CTNNA3: variants seen among roughly 807,000 people sequenced by gnomAD.
CTNNA3 encodes the protein catenin alpha-3.
A neutral mutation model predicts 95.7 loss-of-function variants in CTNNA3; 76 were observed. The observed-to-expected ratio is 0.79, with a 90% CI of 0.66 to 0.96. CTNNA3 has a LOEUF of 0.96. Ranked by LOEUF, CTNNA3 falls within the 40% of genes least tolerant of loss-of-function variation. The pLI is 0.00. For missense variants in CTNNA3, 1,191 were observed against 1,089.8 expected (o/e 1.09, Z -1.31); for synonymous variants, 431 against 374.4 (o/e 1.15, Z -1.74).
rs1475997671 is a variant in CTNNA3, at chr10:66,280,525, G to A, written c.1829C>T (p.Ser610Leu). Residue 610 changes from serine (S) to leucine (L), a missense_variant, in exon 13 of 18, where the codon TCA (serine) becomes TTA (leucine). Transcript: ENST00000433211. ...VLDDNQFVDISKKIYDTIHDI... is the reference protein window; with the variant it reads ...VLDDNQFVDILKKIYDTIHDI... ...ATGAATTGTATCATAGATCTTCTTTGAGATGTCCACAAATTGATTATCATC... is the reference window on the plus strand; with the variant it reads ...ATGAATTGTATCATAGATCTTCTTTAAGATGTCCACAAATTGATTATCATC... 2 of 1,609,574 alleles carry A rather than the reference G, an allele frequency of 1.2e-6. No homozygotes were observed. Among genetic ancestry groups the A allele is most frequent in the South Asian group, 1.1e-5 (1 of 90,716 alleles).
intron 11 of CTNNA3, among the ~76,000 whole-genome samples, chr10:66,397,302 T>C (rs2092986157): frequency 6.6e-6 from 1 of 151,784 alleles, no homozygotes; most frequent in Admixed American, 6.6e-5. Flanking sequence ...AGAACTCTTA[T>C]AGCTAAGGCT....
At chr10:67,038,229 G>T (rs942130362) in intron 7 of CTNNA3, among the ~76,000 whole-genome samples, 47 of 151,972 alleles carry the variant, frequency 3.1e-4, no homozygotes, top group African/African-American at 1.1e-3. Flanking sequence ...TATTGTTGTT[G>T]TTGATTAGCC....
chr10:67,327,451 T>C (rs1321193395), intron 5 of CTNNA3, among the ~76,000 whole-genome samples: 4 of 152,228 alleles, frequency 2.6e-5, no homozygotes, highest in African/African-American at 9.6e-5. Flanking sequence ...TGGTATAAAG[T>C]GAATTCAGCT....
At chr10:67,049,586 T>C (rs1276681397) in intron 7 of CTNNA3, among the ~76,000 whole-genome samples, 3 of 152,100 alleles carry the variant, frequency 2.0e-5, no homozygotes, top group Non-Finnish European at 4.4e-5. Context: ...TGCTTTGTGT[T>C]TAACTTGAAC....
chr10:66,784,386 T>A (rs1447767610), intron 7 of CTNNA3, among the ~76,000 whole-genome samples: 1 of 152,188 alleles, frequency 6.6e-6, no homozygotes, highest in Non-Finnish European at 1.5e-5. Flanking sequence ...ATTGAAAATA[T>A]TATTTGTTAT....
chr10:67,444,502 C>G (rs1846661930), intron 5 of CTNNA3, among the ~76,000 whole-genome samples: 1 of 151,762 alleles, frequency 6.6e-6, no homozygotes, highest in Non-Finnish European at 1.5e-5. Context: ...AAAGCCAGAG[C>G]AAACCAAACC....
intron 15 of CTNNA3, among the ~76,000 whole-genome samples, chr10:66,017,055 A>G (rs746389077): frequency 9.2e-5 from 14 of 152,276 alleles, no homozygotes; most frequent in Middle Eastern, 6.8e-3. Flanking sequence ...AAAGTTCACC[A>G]TATAATCTGA....
intron 10 of CTNNA3, among the ~76,000 whole-genome samples, chr10:66,591,864 G>T (rs1843563318): frequency 6.6e-6 from 1 of 151,938 alleles, no homozygotes; most frequent in South Asian, 2.1e-4. Flanking sequence ...TTCTTGATCT[G>T]AACACTATAT....
At chr10:66,106,337 T>TG (rs2081908204) in intron 13 of CTNNA3, among the ~76,000 whole-genome samples, 2 of 145,442 alleles carry the variant, frequency 1.4e-5, no homozygotes, top group Non-Finnish European at 3.0e-5. Flanking sequence ...GTGTGTGTGT[T>TG]TGTGTGTGTG....
At chr10:66,051,564 C>T (rs1267913960) in intron 15 of CTNNA3, among the ~76,000 whole-genome samples, 2 of 152,144 alleles carry the variant, frequency 1.3e-5, no homozygotes, top group Non-Finnish European at 2.9e-5. Context: ...ACTTCAAAAA[C>T]ATTTAGTGAT....
chr10:66,025,910 C>T (rs750490616), intron 15 of CTNNA3, among the ~76,000 whole-genome samples: 8 of 152,102 alleles, frequency 5.3e-5, no homozygotes, highest in Non-Finnish European at 1.2e-4. Flanking sequence ...TTAGAAGCAG[C>T]ACATATGCTG....
chr10:66,807,844 T>A (rs1472177692), intron 7 of CTNNA3, among the ~76,000 whole-genome samples: 3 of 152,144 alleles, frequency 2.0e-5, no homozygotes, highest in Non-Finnish European at 2.9e-5. Context: ...TCGCATTTTT[T>A]AATAAGAGCT....
intron 5 of CTNNA3, among the ~76,000 whole-genome samples, chr10:67,419,859 G>T (rs1845685394): frequency 7.0e-6 from 1 of 142,636 alleles, no homozygotes; most frequent in African/African-American, 2.4e-5. Flanking sequence ...AGTTAAACAG[G>T]ATTTTTTTTT....
At chr10:66,916,203 T>C (rs1053782953) in intron 7 of CTNNA3, among the ~76,000 whole-genome samples, 5 of 152,250 alleles carry the variant, frequency 3.3e-5, no homozygotes, top group African/African-American at 9.6e-5. Context: ...CACAGTCTAG[T>C]ACACCACTTA....
At chr10:66,452,890 CT>C (rs1443268806) in intron 11 of CTNNA3, among the ~76,000 whole-genome samples, 3 of 151,998 alleles carry the variant, frequency 2.0e-5, no homozygotes, top group African/African-American at 7.2e-5. Context: ...TCCCCATCCC[CT>C]AGCCCTGTGT....
At chr10:66,581,181 A>G (rs1050742596) in intron 10 of CTNNA3, among the ~76,000 whole-genome samples, 5 of 151,772 alleles carry the variant, frequency 3.3e-5, no homozygotes, top group Admixed American at 2.6e-4. Flanking sequence ...TATCTTTGCA[A>G]TTGTGAATTG....
intron 12 of CTNNA3, among the ~76,000 whole-genome samples, chr10:66,358,039 G>A (rs755606271): frequency 3.3e-5 from 5 of 152,094 alleles, no homozygotes; most frequent in Admixed American, 1.3e-4. Context: ...GTGCATAGAC[G>A]TGTTTGTAGT....
At chr10:66,393,780 C>G (rs2092952420) in intron 11 of CTNNA3, among the ~76,000 whole-genome samples, 1 of 151,942 alleles carries the variant, frequency 6.6e-6, no homozygotes, top group African/African-American at 2.4e-5. Context: ...AGAGATAGAT[C>G]TGTTACATTT....
intron 13 of CTNNA3, among the ~76,000 whole-genome samples, chr10:66,255,154 T>C (rs1222253465): frequency 1.3e-5 from 2 of 152,150 alleles, no homozygotes; most frequent in Non-Finnish European, 2.9e-5. Flanking sequence ...GGACAAGTTC[T>C]CCTTCACATT....
Sources: allele counts gnomAD v4.1 joint callset (sites outside exome capture counted in the v4.1 genomes callset), GRCh38; gene constraint gnomAD v4.1.1; transcripts MANE v1.5; gene names NCBI Gene and HGNC (gene_info 2026-07-23, HGNC 2026-07-21).